The following MYH10 variants were observed in gnomAD, a reference collection of about 807,000 sequenced individuals.
MYH10 encodes myosin-10.
In MYH10, 55 loss-of-function variants were observed where a neutral mutation model predicts 257.8. That is an observed-to-expected ratio of 0.21 (90% CI 0.17 to 0.27). The LOEUF (loss-of-function observed/expected upper bound fraction) is 0.27, where lower values mean the gene tolerates loss of function less well. Among genes scored for constraint, MYH10 ranks in the 10% least tolerant of loss-of-function variants. The pLI is 1.00. For synonymous variants in MYH10, 854 were observed against 921.7 expected, an observed-to-expected ratio of 0.93 and a Z score of 1.33; for missense variants, 1,631 against 2,500.6, an observed-to-expected ratio of 0.65 and a Z score of 7.42.
chr17:8,539,817 G>A (rs2082245188), intron 14 of MYH10, among the ~76,000 whole-genome samples: 1 of 151,980 alleles, frequency 6.6e-6, no homozygotes. Context: ...TCGAACTCCT[G>A]GTCTTAAGTG....
intron 30 of MYH10, among the ~76,000 whole-genome samples, chr17:8,497,275 A>G (rs1382405506): frequency 2.0e-5 from 3 of 152,198 alleles, no homozygotes; most frequent in East Asian, 1.9e-4. Flanking sequence ...TTCTTTTTCA[A>G]TGTGGCAATA....
At chr17:8,621,676 C>G (rs1373433485) in intron 2 of MYH10, among the ~76,000 whole-genome samples, 3 of 152,198 alleles carry the variant, frequency 2.0e-5, no homozygotes, top group Admixed American at 6.5e-5. Context: ...GCCTCTTACT[C>G]TCCTACCTCA....
intron 7 of MYH10, among the ~76,000 whole-genome samples, chr17:8,555,680 A>G (rs1486902705): frequency 6.6e-6 from 1 of 152,238 alleles, no homozygotes; most frequent in Admixed American, 6.5e-5. Context: ...GGCTAAAACT[A>G]TAAAACTTCT....
intron 6 of MYH10, among the ~76,000 whole-genome samples, chr17:8,570,919 G>A (rs1048362328): frequency 6.6e-6 from 1 of 152,158 alleles, no homozygotes; most frequent in Non-Finnish European, 1.5e-5. Context: ...CATTACACAG[G>A]AAGGGGACCT....
intron 17 of MYH10, among the ~76,000 whole-genome samples, chr17:8,525,712 G>C (rs1378847359): frequency 6.6e-6 from 1 of 152,078 alleles, no homozygotes; most frequent in African/African-American, 2.4e-5. Flanking sequence ...TAATAATCCT[G>C]ATTTTCAAAT....
chr17:8,565,197 G>T (rs1157358451), intron 7 of MYH10, among the ~76,000 whole-genome samples: 8 of 152,194 alleles, frequency 5.3e-5, no homozygotes, highest in Non-Finnish European at 8.8e-5. Flanking sequence ...TCCATTTGGA[G>T]ATATCAATTA....
At chr17:8,537,377 G>C (rs937227806) in intron 14 of MYH10, among the ~76,000 whole-genome samples, 9 of 152,198 alleles carry the variant, frequency 5.9e-5, no homozygotes, top group African/African-American at 2.2e-4. Context: ...AAATATAAAT[G>C]AAACAGTGTA....
At chr17:8,565,880 C>T (rs1163811632) in intron 7 of MYH10, among the ~76,000 whole-genome samples, 1 of 152,168 alleles carries the variant, frequency 6.6e-6, no homozygotes, top group Admixed American at 6.5e-5. Context: ...GTATACATAA[C>T]AAGCATTAAA....
chr17:8,520,064 T>C (rs2081603370), intron 19 of MYH10, among the ~76,000 whole-genome samples: 3 of 152,112 alleles, frequency 2.0e-5, no homozygotes, highest in African/African-American at 7.2e-5. Flanking sequence ...CACACACACA[T>C]ACAGATATAT....
rs2082428690 is a variant in MYH10, at chr17:8,545,931, G to C, written c.1279-331C>G. On this transcript the variant is annotated intron_variant, in intron 12 of 42. Coordinates refer to ENST00000360416, the MANE Select transcript of MYH10 (RefSeq NM_001256012.3). The surrounding 1 kb of genome is among the most constrained non-coding windows in gnomAD (Gnocchi z 4.7). The stretch of plus-strand genomic sequence containing the variant: ...CTGTACCACCCAGCACAAGGACAAG[G>C]CGGCAGGGGCCCTTGTGTTGGTCTG... Among the ~76,000 whole-genome samples, 1 of 152,184 alleles carries C rather than the reference G, an allele frequency of 6.6e-6. No individual in the cohort carries two copies. The highest frequency in any genetic ancestry group is 2.4e-5 in the African/African-American group (1 of 41,442).
At chr17:8,613,698 G>C (rs2085132484) in intron 2 of MYH10, among the ~76,000 whole-genome samples, 1 of 152,164 alleles carries the variant, frequency 6.6e-6, no homozygotes, top group African/African-American at 2.4e-5. Context: ...CAATGAATCA[G>C]AGGACAGATT....
At position 8,520,943 on chromosome 17, in the gene MYH10, C is replaced by T; in HGVS notation, c.2208G>A (p.Leu736=). ...CCTGGCGACAGATTCGGATCCCTTC[C>T]AGGACACCGTTACAGCGAAGCTGAT... ...VLDQLRCNGV[L]EGIRICRQGF... is the part of the protein sequence containing the mutation. Residue 736 remains leucine (L), a synonymous_variant, in exon 19 of 43, where the codon CTG becomes CTA. Transcript: ENST00000360416. 1 of 1,613,952 alleles carries T rather than the reference C, an allele frequency of 6.2e-7. No homozygotes were observed. The highest frequency in any genetic ancestry group is 1.3e-5 in the African/African-American group (1 of 75,050).
In MYH10 at chr17:8,480,520, G is replaced by T; in HGVS notation, c.5270C>A (p.Ala1757Glu). Residue 1757 changes from alanine (A) to glutamate (E), a missense_variant, in exon 39 of 43, where the codon GCG becomes GAG. By Grantham distance (107) the Ala-to-Glu change is moderately radical. This residue lies in a region of MYH10 where 343 missense variants were observed against 389.5 expected (regional missense o/e 0.88). Transcript: ENST00000360416. ...EITNSASGKS[A>E]LLDEKRRLEA... ...CAGACGCCGCTTCTCATCCAGCAGC[G>T]CGGACCTGGCGGGGAGAGGAGGAGG... 6.2e-7 allele frequency: 1 copy of T among 1,607,218 alleles called. No individual in the cohort carries two copies. Among genetic ancestry groups the T allele is most frequent in the Non-Finnish European group, 8.5e-7 (1 of 1,179,796 alleles).
chr17:8,497,893 T>C (rs1443167232), intron 30 of MYH10, among the ~76,000 whole-genome samples: 1 of 151,490 alleles, frequency 6.6e-6, no homozygotes, highest in Non-Finnish European at 1.5e-5. Flanking sequence ...ACTTTTTACA[T>C]AGCAGTTACA....
At chr17:8,579,684 T>A (rs2083630969) in intron 4 of MYH10, among the ~76,000 whole-genome samples, 1 of 152,226 alleles carries the variant, frequency 6.6e-6, no homozygotes, top group Non-Finnish European at 1.5e-5. Flanking sequence ...TCTACCAAAC[T>A]TTTATTTTAA....
At chr17:8,615,483 G>A (rs1418450156) in intron 2 of MYH10, among the ~76,000 whole-genome samples, 7 of 152,058 alleles carry the variant, frequency 4.6e-5, no homozygotes, top group Non-Finnish European at 1.0e-4. Flanking sequence ...ATATGACAAA[G>A]ATATTATAAG....
intron 2 of MYH10, among the ~76,000 whole-genome samples, chr17:8,606,580 ACT>A (rs1363084939): frequency 6.6e-6 from 1 of 152,132 alleles, no homozygotes; most frequent in East Asian, 1.9e-4. Context: ...TCCAGAGACT[ACT>A]CTGTTTACTA....
At chr17:8,550,438 G>A (rs1322937311) in intron 9 of MYH10, among the ~76,000 whole-genome samples, 1 of 151,894 alleles carries the variant, frequency 6.6e-6, no homozygotes, top group Non-Finnish European at 1.5e-5. Context: ...GAAGTGAGGA[G>A]CCCCTCCGCC....
intron 2 of MYH10, among the ~76,000 whole-genome samples, chr17:8,617,233 C>A (rs991603351): frequency 2.0e-5 from 3 of 152,090 alleles, no homozygotes; most frequent in African/African-American, 7.2e-5. Flanking sequence ...AAGAGAAGGT[C>A]AGGATATTTA....
Sources: gnomAD v4.1 joint callset for allele counts (sites outside exome capture counted in the v4.1 genomes callset) on GRCh38, gnomAD v4.1.1 for gene constraint, gnomAD v4.1.1 regional missense constraint, Gnocchi (gnomAD v3.1) non-coding constraint, MANE v1.5 for transcripts, NCBI Gene and HGNC (gene_info 2026-07-23, HGNC 2026-07-21) for gene names.